Variants in ADAM12 observed in about 807,000 individuals in gnomAD.
ADAM12 encodes ADAM metallopeptidase domain 12.
In ADAM12, 70 loss-of-function variants were observed where a neutral mutation model predicts 106.4. The observed-to-expected ratio is 0.66, with a 90% CI of 0.54 to 0.80. The LOEUF is 0.80. Ranked by LOEUF, ADAM12 falls within the 30% of genes least tolerant of loss-of-function variation. ADAM12 has a pLI of 0.00. For synonymous variants in ADAM12, 420 were observed against 433.5 expected, an observed-to-expected ratio of 0.97 and a Z score of 0.39; for missense variants, 1,010 against 1,171.9, an observed-to-expected ratio of 0.86 and a Z score of 2.02.
At chr10:126,204,167 C>T (rs1397289246) in intron 3 of ADAM12, among the ~76,000 whole-genome samples, 1 of 152,202 alleles carries the variant, frequency 6.6e-6, no homozygotes, top group Non-Finnish European at 1.5e-5. Context: ...AAATGGAAAT[C>T]TCCCCACCCC....
chr10:126,212,651 A>T (rs1294039991), intron 3 of ADAM12, among the ~76,000 whole-genome samples: 1 of 152,138 alleles, frequency 6.6e-6, no homozygotes, highest in African/African-American at 2.4e-5. Flanking sequence ...TGCTAATCTA[A>T]TTTTATCATC....
intron 3 of ADAM12, among the ~76,000 whole-genome samples, chr10:126,194,897 C>T (rs1389500367): frequency 6.6e-6 from 1 of 152,148 alleles, no homozygotes; most frequent in Admixed American, 6.5e-5. Context: ...CCTCATGTGG[C>T]CCCCAAAATT....
intron 11 of ADAM12, 96 bp downstream of exon 11, chr10:126,093,889 T>C (rs1170131199): frequency 6.5e-7 from 1 of 1,546,652 alleles, no homozygotes; most frequent in Admixed American, 1.8e-5. Context: ...CTGGGTGCTC[T>C]GACCAGAAAA....
At chr10:126,034,815 G>GACAAC (rs1282373653) in intron 21 of ADAM12, among the ~76,000 whole-genome samples, 146 of 152,114 alleles carry the variant, frequency 9.6e-4, no homozygotes, top group African/African-American at 3.2e-3. Flanking sequence ...ATTGCAAAAA[G>GACAAC]ACAACACTAA....
chr10:126,206,855 G>GCGGA (rs1554986867), intron 3 of ADAM12, among the ~76,000 whole-genome samples: 1 of 28,932 alleles, frequency 3.5e-5, no homozygotes. Context: ...CATGTGTTGT[G>GCGGA]GGGGCGGGGG....
chr10:126,265,738 T>C (rs1333370649), intron 3 of ADAM12, among the ~76,000 whole-genome samples: 1 of 152,052 alleles, frequency 6.6e-6, no homozygotes, highest in African/African-American at 2.4e-5. Flanking sequence ...AAAAATCTGG[T>C]TTCATTTGTA....
intron 14 of ADAM12, among the ~76,000 whole-genome samples, chr10:126,056,109 C>T (rs971835505): frequency 5.3e-5 from 8 of 152,146 alleles, no homozygotes; most frequent in Non-Finnish European, 7.4e-5. Context: ...GTGGCTTGAA[C>T]GATGCGAGGT....
intron 18 of ADAM12, chr10:126,041,486 C>T (rs1446638888): frequency 1.0e-6 from 1 of 985,418 alleles, no homozygotes; most frequent in African/African-American, 1.7e-5. Flanking sequence ...TGCAAACCCT[C>T]AAACCTGAGT....
At chr10:126,051,145 C>A (rs1486991811) in intron 14 of ADAM12, among the ~76,000 whole-genome samples, 1 of 152,134 alleles carries the variant, frequency 6.6e-6, no homozygotes, top group Non-Finnish European at 1.5e-5. Flanking sequence ...GAGGGAGAGC[C>A]TCAGTGTGGA....
intron 8 of ADAM12, among the ~76,000 whole-genome samples, chr10:126,104,931 T>A (rs941662219): frequency 4.6e-5 from 7 of 152,068 alleles, no homozygotes; most frequent in African/African-American, 1.7e-4. Context: ...ATTTGTAGAG[T>A]TGAAAAACTG....
chr10:126,135,527 G>C (rs1178169142), intron 5 of ADAM12, 57 bp downstream of exon 5: 1 of 1,528,268 alleles, frequency 6.5e-7, no homozygotes, highest in African/African-American at 1.4e-5. Context: ...GGAAAAGACA[G>C]AGGTTGCCTG....
chr10:126,029,700 C>T lies in ADAM12; in HGVS notation c.2529+6446G>A, dbSNP rs185638185. Among the ~76,000 whole-genome samples the T allele has an allele frequency of 2.0e-3, 306 of 152,164 alleles. 1 individual carries two copies. The highest frequency in any genetic ancestry group is 7.1e-3 in the African/African-American group (294 of 41,512). On this transcript the variant is annotated intron_variant, in intron 21 of 22. Transcript: ENST00000448723. ...ACCTGCACATCCTGCACATGTACCCCGATCTTAAATTTTAAAAATGGCAAA... is the reference window on the plus strand; with the variant it reads ...ACCTGCACATCCTGCACATGTACCCTGATCTTAAATTTTAAAAATGGCAAA...
intron 11 of ADAM12, among the ~76,000 whole-genome samples, chr10:126,080,462 A>G (rs2133525121): frequency 6.6e-6 from 1 of 152,320 alleles, no homozygotes; most frequent in Non-Finnish European, 1.5e-5. Flanking sequence ...CTCAGGAAAG[A>G]AGCCCTTTAG....
intron 2 of ADAM12, among the ~76,000 whole-genome samples, chr10:126,328,546 T>C (rs1391545515): frequency 6.6e-6 from 1 of 152,168 alleles, no homozygotes; most frequent in Non-Finnish European, 1.5e-5. Flanking sequence ...GTAACAGACA[T>C]TGACATGCAC....
intron 1 of ADAM12, among the ~76,000 whole-genome samples, chr10:126,387,829 A>G (rs1856720904): frequency 6.9e-6 from 1 of 144,718 alleles, no homozygotes; most frequent in Non-Finnish European, 1.5e-5. Context: ...CCTCCGGGGC[A>G]GGTACTGGCT....
intron 21 of ADAM12, among the ~76,000 whole-genome samples, chr10:126,026,912 A>G (rs1953884099): frequency 6.6e-6 from 1 of 152,214 alleles, no homozygotes; most frequent in Non-Finnish European, 1.5e-5. Flanking sequence ...ACAAGAAATA[A>G]CCAAGATCAG....
At chr10:126,167,897 C>T (rs563202374) in intron 3 of ADAM12, among the ~76,000 whole-genome samples, 3 of 152,208 alleles carry the variant, frequency 2.0e-5, no homozygotes, top group East Asian at 3.9e-4. Context: ...GGAATTGAGG[C>T]TCAGAAGTGT....
intron 1 of ADAM12, among the ~76,000 whole-genome samples, chr10:126,352,442 T>A (rs1430568377): frequency 6.6e-6 from 1 of 152,132 alleles, no homozygotes; most frequent in African/African-American, 2.4e-5. Flanking sequence ...TTAAGAAAAA[T>A]TAAGATAAAC....
In ADAM12 at chr10:126,035,681, TAAAC is replaced by T. The variant is rs142478334; in HGVS notation, c.2529+461_2529+464del. 7.6e-3 allele frequency among the ~76,000 whole-genome samples: 1,161 copies of T among 152,296 alleles called. 11 individuals are homozygous for T. The highest frequency in any genetic ancestry group is 0.026 in the African/African-American group (1,095 of 41,560). ...CAGCATAAAAATGAGATGATATACA[TAAAC>T]AATACAGTGCTAAGTTTGGTACGGA... On this transcript the variant is annotated intron_variant, in intron 21 of 22. Coordinates refer to ENST00000448723, the MANE Select transcript of ADAM12 (RefSeq NM_001288973.2).
Sources: allele counts gnomAD v4.1 joint callset (sites outside exome capture counted in the v4.1 genomes callset), GRCh38; gene constraint gnomAD v4.1.1; transcripts MANE v1.5; gene names NCBI Gene and HGNC (gene_info 2026-07-23, HGNC 2026-07-21).